The following BCHE variants were observed in gnomAD, a reference collection of about 807,000 sequenced individuals.
BCHE encodes butyrylcholinesterase.
Under a neutral mutation model 51.3 loss-of-function variants are expected in BCHE, and 48 were observed. The observed-to-expected ratio is 0.94, with a 90% CI of 0.74 to 1.19. BCHE has a LOEUF of 1.19. Among genes scored for constraint, BCHE ranks in the 50% most tolerant of loss-of-function variants. The probability of loss-of-function intolerance (pLI) is 0.00; values close to 1 mark genes in which losing one functional copy is unlikely to be tolerated. For synonymous variants in BCHE, 251 were observed against 238.0 expected, an observed-to-expected ratio of 1.05 and a Z score of -0.50; for missense variants, 847 against 708.2, an observed-to-expected ratio of 1.20 and a Z score of -2.23.
intron 2 of BCHE, among the ~76,000 whole-genome samples, chr3:165,794,595 G>C (rs1340076744): frequency 1.3e-5 from 2 of 152,122 alleles, no homozygotes; most frequent in Non-Finnish European, 2.9e-5. Flanking sequence ...TCTGATATAA[G>C]AGCACTAATC....
chr3:165,811,513 AACAG>A (rs1453933121), intron 2 of BCHE, among the ~76,000 whole-genome samples: 2 of 152,058 alleles, frequency 1.3e-5, no homozygotes, highest in Admixed American at 1.3e-4. Flanking sequence ...GTTTTGCATG[AACAG>A]ACAATGGTAA....
chr3:165,799,374 C>A (rs2108212839), intron 2 of BCHE, among the ~76,000 whole-genome samples: 1 of 152,100 alleles, frequency 6.6e-6, no homozygotes, highest in African/African-American at 2.4e-5. Context: ...AGGTGTTGAA[C>A]CTAGTATCAT....
chr3:165,803,508 A>T (rs185658522), intron 2 of BCHE, among the ~76,000 whole-genome samples: 1 of 152,248 alleles, frequency 6.6e-6, no homozygotes, highest in Non-Finnish European at 1.5e-5. Context: ...ATTTAACAAT[A>T]ATCTGTTAAT....
chr3:165,793,429 CT>C (rs1265802632), intron 2 of BCHE, among the ~76,000 whole-genome samples: 1 of 152,020 alleles, frequency 6.6e-6, no homozygotes, highest in Non-Finnish European at 1.5e-5. Flanking sequence ...GTCCTTTTTC[CT>C]TTTTTCTCAT....
intron 2 of BCHE, among the ~76,000 whole-genome samples, chr3:165,818,093 T>A (rs989517209): frequency 6.6e-6 from 1 of 152,116 alleles, no homozygotes; most frequent in African/African-American, 2.4e-5. Context: ...TGCTGAAGAA[T>A]CAGAAGCATC....
intron 2 of BCHE, among the ~76,000 whole-genome samples, chr3:165,821,936 C>T (rs966616671): frequency 5.0e-5 from 7 of 139,280 alleles, no homozygotes; most frequent in African/African-American, 1.7e-4. Flanking sequence ...TGTATTAATA[C>T]ATTTTTGTTC....
At chr3:165,795,476 T>A (rs1288137612) in intron 2 of BCHE, among the ~76,000 whole-genome samples, 1 of 152,210 alleles carries the variant, frequency 6.6e-6, no homozygotes, top group Non-Finnish European at 1.5e-5. Flanking sequence ...ATAATGCAGC[T>A]GTGCATAGAG....
intron 3 of BCHE, among the ~76,000 whole-genome samples, chr3:165,781,177 G>A (rs1712683394): frequency 6.6e-6 from 1 of 152,066 alleles, no homozygotes. Flanking sequence ...CTTGAACCCA[G>A]GAAATGGAGG....
chr3:165,779,883 A>G (rs1283138825), intron 3 of BCHE, among the ~76,000 whole-genome samples: 1 of 152,182 alleles, frequency 6.6e-6, no homozygotes, highest in Non-Finnish European at 1.5e-5. Context: ...ACTACTATTG[A>G]CTTTCTTCAC....
chr3:165,810,272 C>G (rs1714043435), intron 2 of BCHE, among the ~76,000 whole-genome samples: 1 of 152,148 alleles, frequency 6.6e-6, no homozygotes. Flanking sequence ...GATATTCTAG[C>G]AGCAGATTCT....
intron 2 of BCHE, among the ~76,000 whole-genome samples, chr3:165,801,280 T>C (rs956177242): frequency 6.6e-6 from 1 of 152,222 alleles, no homozygotes. Context: ...GGATGTGCCA[T>C]AATGAAAACC....
chr3:165,811,255 A>G (rs934581534), intron 2 of BCHE, among the ~76,000 whole-genome samples: 3 of 152,070 alleles, frequency 2.0e-5, no homozygotes, highest in Admixed American at 1.3e-4. Context: ...CTCTTGACAG[A>G]AAGGTTAAAT....
In BCHE at chr3:165,829,691, T is replaced by C. The variant is rs767306248; in HGVS notation, c.1343A>G (p.Tyr448Cys). The C allele has an allele frequency of 1.2e-6, 2 of 1,613,850 alleles. No homozygotes were observed. Among genetic ancestry groups the C allele is most frequent in the Non-Finnish European group, 1.7e-6 (2 of 1,179,900 alleles). The part of the protein sequence containing the change: ...SEWGNNAFFY[Y>C]FEHRSSKLPW... ...AAGTTTGGAGGATCGGTGTTCAAAA[T>C]AGTAGAAAAAGGCATTATTTCCCCA... The change falls in exon 2 of 4, where the codon TAT becomes TGT. Residue 448 changes from tyrosine to cysteine, a missense_variant. By Grantham distance (194) the Tyr-to-Cys change is radical. Transcript: ENST00000264381.
Position 165,830,815 on chromosome 3 carries a change from C to T in BCHE, c.219G>A (p.Lys73=). 1 of 1,613,862 alleles carries T rather than the reference C, an allele frequency of 6.2e-7. No homozygotes were observed. Among genetic ancestry groups the T allele is most frequent in the African/African-American group, 1.3e-5 (1 of 75,018 alleles). Residue 73 remains lysine (K), a synonymous_variant, in exon 2 of 4, where the codon AAG becomes AAA. Transcript: ENST00000264381. ...QPPLGRLRFK[K]PQSLTKWSDI... is the part of the protein sequence containing the mutation. ...CAGACCACTTGGTCAGAGACTGTGG[C>T]TTTTTGAATCGAAGTCTACCAAGAG...
At chr3:165,799,884 G>A (rs943315903) in intron 2 of BCHE, among the ~76,000 whole-genome samples, 5 of 151,938 alleles carry the variant, frequency 3.3e-5, no homozygotes, top group African/African-American at 1.2e-4. Context: ...CATATAAAAT[G>A]CCATATTTTT....
At position 165,837,421 on chromosome 3, in the gene BCHE, A is replaced by G. The variant is rs1258950713; in HGVS notation, c.-116T>C. 1 of 1,289,470 alleles carries G rather than the reference A, an allele frequency of 7.8e-7. No homozygotes were observed. The highest frequency in any genetic ancestry group is 5.5e-5 in the East Asian group (1 of 18,022). 79.9% of individuals were successfully genotyped at this position (1,289,470 alleles called of 1,614,324 possible). A position where few individuals can be genotyped will look rare whatever the true frequency, so the allele number is the denominator to read the frequency against. On this transcript the variant is annotated 5_prime_UTR_variant, in exon 1 of 4. Transcript: ENST00000264381. ...TGCTCCAGCCTGTAAATTGGACTGC[A>G]CTGACATTCAGTGTTACTGAATGTA... is the stretch of plus-strand genomic sequence containing the variant.
At chr3:165,787,843 A>G (rs2108203686) in intron 2 of BCHE, among the ~76,000 whole-genome samples, 1 of 152,104 alleles carries the variant, frequency 6.6e-6, no homozygotes, top group East Asian at 1.9e-4. Context: ...TAGTGTGAGC[A>G]TAATATTTTA....
chr3:165,792,436 G>A (rs1237115742), intron 2 of BCHE, among the ~76,000 whole-genome samples: 1 of 152,074 alleles, frequency 6.6e-6, no homozygotes, highest in Non-Finnish European at 1.5e-5. Flanking sequence ...GTGCTTCCAT[G>A]AGAAATACTT....
chr3:165,807,552 A>ATTTATT (rs1713914091), intron 2 of BCHE, among the ~76,000 whole-genome samples: 2 of 138,438 alleles, frequency 1.4e-5, no homozygotes, highest in African/African-American at 5.8e-5. Flanking sequence ...ATTTATTTTT[A>ATTTATT]TTTATTTATT....
Sources: gnomAD v4.1 joint callset for allele counts (sites outside exome capture counted in the v4.1 genomes callset) on GRCh38, gnomAD v4.1.1 for gene constraint, MANE v1.5 for transcripts, NCBI Gene and HGNC (gene_info 2026-07-23, HGNC 2026-07-21) for gene names.